Variants in PAX5 observed in about 807,000 individuals in gnomAD.
PAX5 encodes the protein paired box protein Pax-5.
PAX5 carries 9 observed loss-of-function variants against 43.7 expected under a neutral mutation model. The ratio of observed to expected loss-of-function variants is 0.21; its 90% CI spans 0.12 to 0.36. The LOEUF (loss-of-function observed/expected upper bound fraction) is 0.36. PAX5 is among the 10% of genes least tolerant of loss of function. The probability of loss-of-function intolerance (pLI) is 1.00; values close to 1 mark genes in which losing one functional copy is unlikely to be tolerated. For missense variants in PAX5, 383 were observed against 532.7 expected, an observed-to-expected ratio of 0.72 and a Z score of 2.77; for synonymous variants, 228 against 214.3, an observed-to-expected ratio of 1.06 and a Z score of -0.56.
chr9:36,897,172 C>A (rs539294770), intron 7 of PAX5, among the ~76,000 whole-genome samples: 1 of 152,158 alleles, frequency 6.6e-6, no homozygotes, highest in Non-Finnish European at 1.5e-5. Flanking sequence ...TGAGCTTCCT[C>A]GGGTCCAGGC....
At chr9:36,867,608 C>T (rs1158774171) in intron 8 of PAX5, among the ~76,000 whole-genome samples, 3 of 152,232 alleles carry the variant, frequency 2.0e-5, no homozygotes, top group Non-Finnish European at 4.4e-5. Context: ...AAACCCTGCC[C>T]TGGCAGGACA....
intron 6 of PAX5, among the ~76,000 whole-genome samples, chr9:36,938,190 A>T (rs553930221): frequency 1.3e-5 from 2 of 152,298 alleles, no homozygotes; most frequent in South Asian, 4.1e-4. Context: ...TAATTACGGA[A>T]ATATATTTGC....
intron 8 of PAX5, among the ~76,000 whole-genome samples, chr9:36,855,265 A>C (rs908658955): frequency 6.6e-6 from 1 of 152,234 alleles, no homozygotes; most frequent in Non-Finnish European, 1.5e-5. Context: ...GAAAGGGGCA[A>C]GTATCAGTAG....
At chr9:36,924,844 AGGG>A (rs1587987286) in intron 6 of PAX5, among the ~76,000 whole-genome samples, 52 of 77,224 alleles carry the variant, frequency 6.7e-4, no homozygotes, top group South Asian at 1.5e-3. Context: ...AGAGAAAGGG[AGGG>A]AGGGAGGAGG....
At chr9:36,884,163 A>G (rs1211235708) in intron 7 of PAX5, among the ~76,000 whole-genome samples, 1 of 152,260 alleles carries the variant, frequency 6.6e-6, no homozygotes, top group African/African-American at 2.4e-5. Context: ...CCAAGCTAGC[A>G]TAATCCTGAT....
Position 36,997,049 on chromosome 9 carries a change from G to A in PAX5, c.604+5599C>T, listed in dbSNP as rs116088850. On this transcript the variant is annotated intron_variant, in intron 5 of 9. Coordinates refer to ENST00000358127, the MANE Select transcript of PAX5 (RefSeq NM_016734.3). ...ATGAGATGCACCCCCAAAGACATGGGGAGAGACACAAAAACAGACAGGAGA... is the reference window on the plus strand; with the variant it reads ...ATGAGATGCACCCCCAAAGACATGGAGAGAGACACAAAAACAGACAGGAGA... Among the ~76,000 whole-genome samples, 549 of 152,254 alleles carry A rather than the reference G, an allele frequency of 3.6e-3. 4 individuals carry two copies. The highest frequency in any genetic ancestry group is 0.014 in the Middle Eastern group (4 of 294).
chr9:37,028,190 G>C (rs1840627628), intron 1 of PAX5, among the ~76,000 whole-genome samples: 1 of 152,252 alleles, frequency 6.6e-6, no homozygotes, highest in Non-Finnish European at 1.5e-5. Flanking sequence ...GCTCGTGATG[G>C]GATCGGATTG....
In PAX5 at chr9:37,033,997, G is replaced by T. The variant is rs1841276454; in HGVS notation, c.35C>A (p.Thr12Asn). Residue 12 changes from threonine to asparagine, a missense_variant, in exon 1 of 10, where the codon ACC becomes AAC. Around this residue, in one of 5 missense-constraint regions of PAX5, gnomAD observed 54 missense variants for 68.6 expected, o/e 0.79. Transcript: ENST00000358127. ...TATCGCGGTCCTACCTGTCCTGCTG[G>T]TCCGAGGAGTCGGATAATTTTTCTC... The part of the protein sequence containing the change: ...DLEKNYPTPR[T>N]SRTGHGGVNQ... The T allele has an allele frequency of 2.5e-6, 4 of 1,611,406 alleles. No individual in the cohort carries two copies.
At chr9:36,965,258 A>G (rs1376061262) in intron 6 of PAX5, among the ~76,000 whole-genome samples, 1 of 152,174 alleles carries the variant, frequency 6.6e-6, no homozygotes, top group Non-Finnish European at 1.5e-5. Context: ...TTCTTCCACA[A>G]GTCTGTAGGC....
intron 8 of PAX5, among the ~76,000 whole-genome samples, chr9:36,856,251 A>G (rs756545118): frequency 1.1e-4 from 16 of 152,246 alleles, no homozygotes; most frequent in Non-Finnish European, 2.2e-4. Flanking sequence ...CATGCTGGAA[A>G]GAATTAGTGA....
At chr9:36,868,649 C>T (rs921847121) in intron 8 of PAX5, among the ~76,000 whole-genome samples, 17 of 152,218 alleles carry the variant, frequency 1.1e-4, no homozygotes, top group African/African-American at 3.9e-4. Context: ...GTTAGGAAGG[C>T]CACCTATGTC....
chr9:37,027,050 C>T (rs545984259), intron 1 of PAX5, among the ~76,000 whole-genome samples: 5 of 152,334 alleles, frequency 3.3e-5, no homozygotes, highest in African/African-American at 9.6e-5. Context: ...GGCCTCGATG[C>T]TTCTGAGGTC....
chr9:36,864,789 C>T (rs948183545), intron 8 of PAX5, among the ~76,000 whole-genome samples: 3 of 152,236 alleles, frequency 2.0e-5, no homozygotes, highest in African/African-American at 7.2e-5. Context: ...CTAGAGGTGC[C>T]CCTCGGAGCC....
At chr9:36,871,466 C>T (rs1825488586) in intron 8 of PAX5, among the ~76,000 whole-genome samples, 1 of 152,212 alleles carries the variant, frequency 6.6e-6, no homozygotes, top group Non-Finnish European at 1.5e-5. Context: ...TTTAAGCCCT[C>T]CAGGCCCACC....
At chr9:36,983,133 T>G (rs979700685) in intron 5 of PAX5, among the ~76,000 whole-genome samples, 32 of 152,202 alleles carry the variant, frequency 2.1e-4, no homozygotes, top group African/African-American at 5.8e-4. Flanking sequence ...CATAACTCTG[T>G]GTTTCCGACA....
intron 7 of PAX5, among the ~76,000 whole-genome samples, chr9:36,921,308 C>T (rs994015241): frequency 1.3e-5 from 2 of 152,232 alleles, no homozygotes; most frequent in Admixed American, 6.5e-5. Context: ...TTCTGCAGAA[C>T]ACTCTCCTCT....
intron 6 of PAX5, among the ~76,000 whole-genome samples, chr9:36,950,137 G>T (rs1398697648): frequency 1.3e-5 from 2 of 152,146 alleles, no homozygotes; most frequent in Non-Finnish European, 2.9e-5. Flanking sequence ...GCCGGCTCTT[G>T]CCAGGAACCC....
In PAX5 at chr9:36,848,965, C is replaced by A. The variant is rs545957875; in HGVS notation, c.1013-2036G>T. On this transcript the variant is annotated intron_variant, in intron 8 of 9. Transcript: ENST00000358127. The stretch of plus-strand genomic sequence containing the variant: ...GTCAGTGTCACCCACCATCCTCTAC[C>A]CTGTCCCCACCTTTCTAGCCTTACA... Among the ~76,000 whole-genome samples, 11 of 152,336 alleles carry A rather than the reference C, an allele frequency of 7.2e-5. No individual in the cohort carries two copies. The South Asian group carries it at 2.3e-3, about 32-fold the overall frequency.
intron 6 of PAX5, among the ~76,000 whole-genome samples, chr9:36,932,246 C>T (rs1327007654): frequency 6.6e-6 from 1 of 152,200 alleles, no homozygotes; most frequent in Non-Finnish European, 1.5e-5. Flanking sequence ...GCACTCCAGT[C>T]TGGGCGACCT....
Sources: gnomAD v4.1 joint callset for allele counts (sites outside exome capture counted in the v4.1 genomes callset) on GRCh38, gnomAD v4.1.1 for gene constraint, gnomAD v4.1.1 regional missense constraint, MANE v1.5 for transcripts, NCBI Gene and HGNC (gene_info 2026-07-23, HGNC 2026-07-21) for gene names.